Variants in HBP1 observed in about 807,000 individuals in gnomAD.
The protein encoded by HBP1 is HMG-box transcription factor 1, also known as HMG box-containing protein 1.
Under a neutral mutation model 62.6 loss-of-function variants are expected in HBP1, and 20 were observed. That is an observed-to-expected ratio of 0.32 (90% CI 0.22 to 0.46). HBP1 has a LOEUF of 0.46. Ranked by LOEUF, HBP1 falls within the 20% of genes least tolerant of loss-of-function variation. The pLI, the probability that HBP1 is intolerant of heterozygous loss-of-function variation, is 1.00. For missense variants in HBP1, 480 were observed against 611.8 expected, an observed-to-expected ratio of 0.78 and a Z score of 2.27; for synonymous variants, 232 against 206.2, an observed-to-expected ratio of 1.12 and a Z score of -1.07.
chr7:107,201,505 A>G lies in HBP1; in HGVS notation c.*74A>G, dbSNP rs1289998120. On this transcript the variant is annotated 3_prime_UTR_variant, in exon 11 of 11. Coordinates refer to ENST00000222574, the MANE Select transcript of HBP1 (RefSeq NM_012257.4). Reference sequence around the variant, plus strand: ...TTGATGGAAAGACTTAAGAAGATCAAGGTCTCACCATTTGTCCTCAATTCG... The same window carrying G: ...TTGATGGAAAGACTTAAGAAGATCAGGGTCTCACCATTTGTCCTCAATTCG... The G allele has an allele frequency of 2.2e-6, 2 of 897,904 alleles. No homozygotes were observed. Among genetic ancestry groups the G allele is most frequent in the East Asian group, 5.0e-5 (2 of 40,124 alleles). The allele number at this position is 897,904 out of a possible 1,614,324, so 55.6% of individuals were successfully genotyped here. A position where few individuals can be genotyped will look rare whatever the true frequency, so the allele number is the denominator to read the frequency against.
At chr7:107,173,259 C>A (rs1004235567) in intron 1 of HBP1, among the ~76,000 whole-genome samples, 1 of 152,158 alleles carries the variant, frequency 6.6e-6, no homozygotes, top group African/African-American at 2.4e-5. Flanking sequence ...CTTTTCTTCA[C>A]CTACTCTTTG....
chr7:107,176,084 G>C (rs1052873395), intron 1 of HBP1, among the ~76,000 whole-genome samples: 1 of 150,126 alleles, frequency 6.7e-6, no homozygotes, highest in East Asian at 2.0e-4. Context: ...GTAGTGCAGT[G>C]GTGCGATCTC....
At chr7:107,187,660 A>C (rs980764082) in intron 6 of HBP1, among the ~76,000 whole-genome samples, 1 of 152,164 alleles carries the variant, frequency 6.6e-6, no homozygotes, top group African/African-American at 2.4e-5. Flanking sequence ...GAAGTTCACA[A>C]TAGTCTAACT....
rs771848116 is a variant in HBP1, at chr7:107,186,561, A to T, written c.653-8A>T. ...GTGTCTAATACGTGTTTTCTACCTA[A>T]ACCTTAGGCACACGACTGTGCTTTC... On this transcript the variant is annotated splice_polypyrimidine_tract_variant and splice_region_variant and intron_variant, in intron 5 of 10. Coordinates refer to ENST00000222574, the MANE Select transcript of HBP1 (RefSeq NM_012257.4). 6.2e-7 allele frequency: 1 copy of T among 1,602,146 alleles called. No individual in the cohort carries two copies.
chr7:107,173,110 A>C (rs551686175), intron 1 of HBP1, among the ~76,000 whole-genome samples: 3 of 152,376 alleles, frequency 2.0e-5, no homozygotes, highest in East Asian at 1.9e-4. Context: ...CTAAAAGAAC[A>C]GCATTACAGC....
At chr7:107,178,848 C>T (rs1796978794) in intron 1 of HBP1, among the ~76,000 whole-genome samples, 2 of 152,222 alleles carry the variant, frequency 1.3e-5, no homozygotes, top group South Asian at 2.1e-4. Flanking sequence ...GCCTGGCCAA[C>T]ATGGTGAAAC....
In HBP1 at chr7:107,171,061, ATATATATATATATTT is replaced by A. The variant is rs1796549639; in HGVS notation, c.-16+1878_-16+1892del. On this transcript the variant is annotated intron_variant, in intron 1 of 10. Transcript: ENST00000222574. ...TACATGTATAAATATATATATATAT[ATATATATATATATTT>A]TTTTTTTTTTTTGAGAGGGAGTCTC... Among the ~76,000 whole-genome samples the A allele has an allele frequency of 4.6e-5, 3 of 65,000 alleles. 1 individual carries two copies. Among genetic ancestry groups the A allele is most frequent in the Non-Finnish European group, 7.4e-5 (3 of 40,304 alleles). The allele number at this position is 65,000 out of a possible 152,430, so 42.6% of individuals were successfully genotyped here. A position where few individuals can be genotyped will look rare whatever the true frequency, so the allele number is the denominator to read the frequency against.
intron 1 of HBP1, among the ~76,000 whole-genome samples, chr7:107,176,645 G>T: frequency 6.7e-6 from 1 of 150,152 alleles, no homozygotes; most frequent in East Asian, 1.9e-4. Flanking sequence ...TTAAGCATAT[G>T]TATGATTTCG....
At position 107,202,199 on chromosome 7, in the gene HBP1, C is replaced by T. The variant is rs1254870859; in HGVS notation, c.*768C>T. 6.6e-6 allele frequency: 1 copy of T among 152,632 alleles called. No individual in the cohort carries two copies. Among genetic ancestry groups the T allele is most frequent in the South Asian group, 2.1e-4 (1 of 4,828 alleles). The allele number at this position is 152,632 out of a possible 1,614,324, so 9.5% of individuals were successfully genotyped here. On this transcript the variant is annotated 3_prime_UTR_variant, in exon 11 of 11. Coordinates refer to ENST00000222574, the MANE Select transcript of HBP1 (RefSeq NM_012257.4). ...TATTTTTTAACTTCGTGTTCTGTATCTCCTCAGCCATGTATCTTAAATATA... is the reference window on the plus strand; with the variant it reads ...TATTTTTTAACTTCGTGTTCTGTATTTCCTCAGCCATGTATCTTAAATATA...
chr7:107,195,807 A>T, intron 8 of HBP1, 27 bp from the exon 9 acceptor site: 1 of 1,066,432 alleles, frequency 9.4e-7, no homozygotes, highest in Non-Finnish European at 1.3e-6. Flanking sequence ...TTGAATTAAA[A>T]TATTATTATT....
intron 8 of HBP1, chr7:107,192,870 A>G (rs1450968110): frequency 5.3e-5 from 8 of 152,198 alleles, no homozygotes; most frequent in Non-Finnish European, 1.2e-4. Context: ...AGAAGCTGAA[A>G]GTGACTTTAT....
At chr7:107,184,670 C>T (rs982005695) in intron 3 of HBP1, among the ~76,000 whole-genome samples, 2 of 152,140 alleles carry the variant, frequency 1.3e-5, no homozygotes, top group African/African-American at 4.8e-5. Context: ...ACCACCATGC[C>T]TGGCTGGTTT....
intron 1 of HBP1, among the ~76,000 whole-genome samples, chr7:107,170,858 A>G (rs771713157): frequency 2.1e-4 from 31 of 150,106 alleles, no homozygotes; most frequent in Non-Finnish European, 4.2e-4. Flanking sequence ...TTCACAGGGC[A>G]TACCTCTCAG....
At chr7:107,175,877 T>C (rs998041470) in intron 1 of HBP1, among the ~76,000 whole-genome samples, 1 of 151,870 alleles carries the variant, frequency 6.6e-6, no homozygotes, top group African/African-American at 2.4e-5. Context: ...CCACCATGCC[T>C]GGCTAATTTT....
At chr7:107,192,921 G>A (rs534436079) in intron 8 of HBP1, 1 of 152,338 alleles carries the variant, frequency 6.6e-6, no homozygotes, top group East Asian at 1.9e-4. Context: ...ATGATGCCTG[G>A]CCTAGGGGGA....
rs896124870 is a variant in HBP1 at position 107,185,378 on chromosome 7, C to T, written c.399-423C>T. ...ATATGTGGTTGGTAGATAAAGAGTT[C>T]AGAGTTGGTTACACTAAGCTTAAAT... On this transcript the variant is annotated intron_variant, in intron 3 of 10. Transcript: ENST00000222574. Among the ~76,000 whole-genome samples the T allele has an allele frequency of 3.3e-5, 5 of 152,240 alleles. No homozygotes were observed. In the South Asian group the frequency reaches 8.3e-4, roughly 25 times the overall value.
At chr7:107,193,285 T>C (rs1437408469) in intron 8 of HBP1, 2 of 152,174 alleles carry the variant, frequency 1.3e-5, no homozygotes, top group African/African-American at 4.8e-5. Flanking sequence ...ATTTGTAGAT[T>C]ATATCCTCAT....
Position 107,200,141 on chromosome 7 carries a change from G to GTAAA in HBP1, c.1386-16_1386-13dup, listed in dbSNP as rs1348589467. 5 of 1,552,626 alleles carry GTAAA rather than the reference G, an allele frequency of 3.2e-6. No homozygotes were observed. The African/African-American group carries it at 5.5e-5, about 17-fold the overall frequency. On this transcript the variant is annotated intron_variant, in intron 9 of 10. Transcript: ENST00000222574. ...GAAAAATGTGTGCTTTCAGCATTGT[G>GTAAA]TAAATATTTATTTTACAGAGCCATA...
intron 1 of HBP1, among the ~76,000 whole-genome samples, chr7:107,171,410 G>C (rs1036221323): frequency 1.3e-5 from 2 of 151,770 alleles, no homozygotes; most frequent in African/African-American, 4.8e-5. Flanking sequence ...CTCACTAATC[G>C]AAGTGGCCAG....
Sources: allele counts gnomAD v4.1 joint callset (sites outside exome capture counted in the v4.1 genomes callset), GRCh38; gene constraint gnomAD v4.1.1; transcripts MANE v1.5; gene names NCBI Gene and HGNC (gene_info 2026-07-23, HGNC 2026-07-21).